Variants in GSAP observed in about 807,000 individuals in gnomAD.
GSAP encodes the protein gamma-secretase activating protein.
Under a neutral mutation model 131.7 loss-of-function variants are expected in GSAP, and 118 were observed. The ratio of observed to expected loss-of-function variants is 0.90; its 90% CI spans 0.77 to 1.04. GSAP has a LOEUF of 1.04. Ranked by LOEUF, GSAP falls within the 50% of genes least tolerant of loss-of-function variation. The pLI is 0.00. For missense variants in GSAP, 1,019 were observed against 1,013.2 expected (o/e 1.01, Z -0.08); for synonymous variants, 381 against 363.4 (o/e 1.05, Z -0.55).
At chr7:77,397,164 A>AAG in intron 4 of GSAP, 129 bp from the exon 5 acceptor site, 1 of 701,878 alleles carries the variant, frequency 1.4e-6, no homozygotes, top group Non-Finnish European at 2.4e-6. Flanking sequence ...GCAGAACACA[A>AAG]AGCATTCTTT....
rs181126045 is a variant in GSAP, at chr7:77,352,457, G to A, written c.1491+487C>T. Among the ~76,000 whole-genome samples, 5 of 152,258 alleles carry A rather than the reference G, an allele frequency of 3.3e-5. No homozygotes were observed. In the East Asian group the frequency reaches 9.6e-4, roughly 29 times the overall value. On this transcript the variant is annotated intron_variant, in intron 18 of 30. Transcript: ENST00000257626. The stretch of plus-strand genomic sequence containing the variant: ...AAAAGGAGGGAGTCAGAACCGACAG[G>A]GAGAAAAAGTCATTTGGGGTGAATG...
chr7:77,365,716 T>C (rs116047019), intron 12 of GSAP, among the ~76,000 whole-genome samples: 5,309 of 152,190 alleles, frequency 0.035, 298 homozygotes, highest in African/African-American at 0.12. Context: ...ATCTTTATGG[T>C]AGAATGATTT....
chr7:77,311,248 G>C lies in GSAP; in HGVS notation c.*110C>G. The C allele has an allele frequency of 1.4e-6, 1 of 728,254 alleles. No individual in the cohort carries two copies. The highest frequency in any genetic ancestry group is 1.6e-5 in the South Asian group (1 of 60,884). The allele number at this position is 728,254 out of a possible 1,614,324, so 45.1% of individuals were successfully genotyped here. On this transcript the variant is annotated 3_prime_UTR_variant, in exon 31 of 31. Coordinates refer to ENST00000257626, the MANE Select transcript of GSAP (RefSeq NM_017439.4). ...AAACTCACATGGCTAAACAATTATGGCTAAACTATTTTTGTTACCAATTTT... is the reference window on the plus strand; with the variant it reads ...AAACTCACATGGCTAAACAATTATGCCTAAACTATTTTTGTTACCAATTTT...
intron 1 of GSAP, among the ~76,000 whole-genome samples, chr7:77,409,457 A>T (rs1583950420): frequency 6.6e-6 from 1 of 152,346 alleles, no homozygotes; most frequent in Middle Eastern, 3.4e-3. Flanking sequence ...ATATACAGTG[A>T]AAAGGTGGCG....
upstream of GSAP, chr7:77,416,565 C>G (rs4729397): frequency 0.63 from 234,429 of 369,830 alleles, 74,758 homozygotes; most frequent in African/African-American, 0.69. Flanking sequence ...GCGGGGTGGA[C>G]CAGGCGCCAG....
intron 27 of GSAP, 25 bp from the exon 28 acceptor site, chr7:77,313,574 A>T (rs1794652164): frequency 1.8e-6 from 2 of 1,091,882 alleles, no homozygotes; most frequent in African/African-American, 1.6e-5. Context: ...GAGATTAGCA[A>T]ATGAAACAAA....
At chr7:77,341,096 G>A (rs182252417) in intron 19 of GSAP, among the ~76,000 whole-genome samples, 1 of 152,218 alleles carries the variant, frequency 6.6e-6, no homozygotes, top group Non-Finnish European at 1.5e-5. Flanking sequence ...CAGCACTTTT[G>A]ATTTCTCCAT....
chr7:77,407,597 T>C (rs754688824), intron 1 of GSAP, among the ~76,000 whole-genome samples: 6 of 152,198 alleles, frequency 3.9e-5, no homozygotes, highest in Non-Finnish European at 7.4e-5. Context: ...TTAGTTATAC[T>C]AAAAGTTGTA....
At chr7:77,390,962 A>T (rs1327632336) in intron 5 of GSAP, among the ~76,000 whole-genome samples, 3 of 116,064 alleles carry the variant, frequency 2.6e-5, no homozygotes, top group Admixed American at 9.0e-5. Context: ...AAAAAAAAAA[A>T]AAAAAAAAAA....
intron 24 of GSAP, among the ~76,000 whole-genome samples, chr7:77,321,990 C>A (rs757086482): frequency 6.6e-6 from 1 of 152,154 alleles, no homozygotes. Flanking sequence ...AAGTAGGTAG[C>A]CTTCTTTGTC....
At chr7:77,375,634 C>G (rs955525671) in intron 10 of GSAP, among the ~76,000 whole-genome samples, 1 of 152,084 alleles carries the variant, frequency 6.6e-6, no homozygotes, top group African/African-American at 2.4e-5. Flanking sequence ...TGCTTGAGGC[C>G]AGAAGTTCAA....
rs1491128685 is a variant in GSAP, at chr7:77,324,825, ACT to A, written c.1828-1085_1828-1084del. ...TTGTCGTGTAAACATTGTTTGCCAT[ACT>A]TTTTTTTTTTTTTTTTTTTTGCTCT... On this transcript the variant is annotated intron_variant, in intron 23 of 30. Coordinates refer to ENST00000257626, the MANE Select transcript of GSAP (RefSeq NM_017439.4). Among the ~76,000 whole-genome samples the A allele has an allele frequency of 5.6e-3, 639 of 114,302 alleles. 38 individuals are homozygous for A. The East Asian group carries it at 0.14, about 24-fold the overall frequency. 75.0% of individuals were successfully genotyped at this position (114,302 alleles called of 152,430 possible).
intron 10 of GSAP, 29 bp from the exon 11 acceptor site, chr7:77,375,130 C>A (rs763875901): frequency 7.8e-6 from 11 of 1,416,062 alleles, no homozygotes; most frequent in Non-Finnish European, 1.1e-5. Flanking sequence ...AAAATGAACC[C>A]AAAATGACAG....
chr7:77,387,045 G>C (rs1798676615), intron 6 of GSAP, among the ~76,000 whole-genome samples: 1 of 152,178 alleles, frequency 6.6e-6, no homozygotes. Flanking sequence ...TTTAACCATA[G>C]ATACTTAATC....
upstream of GSAP, chr7:77,416,353 G>T (rs1584012893): frequency 5.4e-6 from 7 of 1,299,006 alleles, no homozygotes; most frequent in East Asian, 1.6e-4. Flanking sequence ...CGGCTCTGGG[G>T]CCCCGCACCG....
intron 23 of GSAP, among the ~76,000 whole-genome samples, chr7:77,324,973 G>T (rs1268095347): frequency 6.6e-6 from 1 of 151,522 alleles, no homozygotes. Context: ...GTGCTACCAC[G>T]CCCAGCCAAT....
At chr7:77,313,624 G>A (rs185069831) in intron 27 of GSAP, 75 bp from the exon 28 acceptor site, 3 of 722,818 alleles carry the variant, frequency 4.2e-6, no homozygotes, top group Non-Finnish European at 7.3e-6. Flanking sequence ...ATTAATACTT[G>A]AGTGGTTCAT....
intron 8 of GSAP, among the ~76,000 whole-genome samples, chr7:77,380,971 G>A (rs1203799011): frequency 2.0e-5 from 3 of 152,160 alleles, no homozygotes; most frequent in Non-Finnish European, 4.4e-5. Context: ...TATGTATTAT[G>A]ATTCTACTTT....
chr7:77,326,632 G>A (rs908154403), intron 22 of GSAP: 3 of 168,402 alleles, frequency 1.8e-5, no homozygotes, highest in South Asian at 1.8e-4. Context: ...AACAGCGCTC[G>A]GTGGAAGGAC....
Sources: gnomAD v4.1 joint callset for allele counts (sites outside exome capture counted in the v4.1 genomes callset) on GRCh38, gnomAD v4.1.1 for gene constraint, MANE v1.5 for transcripts, NCBI Gene and HGNC (gene_info 2026-07-23, HGNC 2026-07-21) for gene names.